Variants in LAPTM4B observed in about 807,000 individuals in gnomAD.
LAPTM4B encodes lysosomal protein transmembrane 4 beta, also known as lysosomal-associated transmembrane protein 4B.
LAPTM4B carries 26 observed loss-of-function variants against 28.5 expected under a neutral mutation model. The ratio of observed to expected loss-of-function variants is 0.91; its 90% CI spans 0.67 to 1.27. The LOEUF is 1.27. Among genes scored for constraint, LAPTM4B ranks in the 50% most tolerant of loss-of-function variants. The pLI, the probability that LAPTM4B is intolerant of heterozygous loss-of-function variation, is 0.00. For synonymous variants in LAPTM4B, 109 were observed against 106.4 expected, an observed-to-expected ratio of 1.02 and a Z score of -0.15; for missense variants, 288 against 285.8, an observed-to-expected ratio of 1.01 and a Z score of -0.06.
intron 6 of LAPTM4B, among the ~76,000 whole-genome samples, chr8:97,846,713 T>A (rs1393247715): frequency 6.6e-6 from 1 of 152,212 alleles, no homozygotes; most frequent in African/African-American, 2.4e-5. Context: ...GCATTCATTT[T>A]TCCCAAAAAT....
chr8:97,783,368 A>G (rs929059588), intron 1 of LAPTM4B, among the ~76,000 whole-genome samples: 1 of 152,084 alleles, frequency 6.6e-6, no homozygotes, highest in Non-Finnish European at 1.5e-5. Context: ...AGAAACTCAC[A>G]GTTTCCTTGT....
At position 97,781,278 on chromosome 8, in the gene LAPTM4B, CT is replaced by C. The variant is rs71271147; in HGVS notation, c.99+5191del. Among the ~76,000 whole-genome samples, 37 of 50,836 alleles carry C rather than the reference CT, an allele frequency of 7.3e-4. 1 individual carries two copies. Among genetic ancestry groups the C allele is most frequent in the South Asian group, 2.9e-3 (3 of 1,044 alleles). The allele number at this position is 50,836 out of a possible 152,430, so 33.4% of individuals were successfully genotyped here. A position where few individuals can be genotyped will look rare whatever the true frequency, so the allele number is the denominator to read the frequency against. On this transcript the variant is annotated intron_variant, in intron 1 of 6. Transcript: ENST00000521545. Reference sequence around the variant, plus strand: ...ACAGGCGTGAGCCACTGTGCCCGGCCTTTTTTTTTTTTTTTTTTTTTGAGGA... The same window carrying C: ...ACAGGCGTGAGCCACTGTGCCCGGCCTTTTTTTTTTTTTTTTTTTTGAGGA...
At chr8:97,819,034 C>G (rs994856855) in intron 4 of LAPTM4B, 106 bp from the exon 5 acceptor site, 2 of 721,616 alleles carry the variant, frequency 2.8e-6, no homozygotes, top group Non-Finnish European at 4.8e-6. Flanking sequence ...TAATAGCTGT[C>G]TGCTTTAATC....
chr8:97,850,265 T>A (rs1817502250), intron 6 of LAPTM4B, among the ~76,000 whole-genome samples: 1 of 151,958 alleles, frequency 6.6e-6, no homozygotes, highest in Admixed American at 6.5e-5. Context: ...AGGTGCCCTC[T>A]GCCTAGGCAG....
intron 2 of LAPTM4B, among the ~76,000 whole-genome samples, chr8:97,812,161 T>G (rs1008400910): frequency 2.6e-5 from 4 of 151,758 alleles, no homozygotes; most frequent in African/African-American, 9.7e-5. Context: ...AGTAGCATAC[T>G]CTACATCTTG....
intron 1 of LAPTM4B, among the ~76,000 whole-genome samples, chr8:97,779,627 A>T (rs1319581045): frequency 6.6e-6 from 1 of 151,884 alleles, no homozygotes; most frequent in Admixed American, 6.6e-5. Flanking sequence ...TCTAATAAAA[A>T]TACAAAAATT....
chr8:97,847,256 T>C (rs1236169319), intron 6 of LAPTM4B, among the ~76,000 whole-genome samples: 1 of 152,204 alleles, frequency 6.6e-6, no homozygotes, highest in Non-Finnish European at 1.5e-5. Context: ...TGGAAGAAAC[T>C]GAACTTAGAT....
intron 1 of LAPTM4B, among the ~76,000 whole-genome samples, chr8:97,804,151 G>A (rs1305710895): frequency 6.6e-6 from 1 of 152,168 alleles, no homozygotes; most frequent in Non-Finnish European, 1.5e-5. Context: ...AGGCAGAGGT[G>A]GGAGGATTGC....
chr8:97,817,597 C>T (rs77444938), intron 4 of LAPTM4B, among the ~76,000 whole-genome samples: 1 of 151,644 alleles, frequency 6.6e-6, no homozygotes, highest in Non-Finnish European at 1.5e-5. Flanking sequence ...TACAGGCACC[C>T]GCTACCAAGC....
At chr8:97,846,390 C>T (rs529935324) in intron 6 of LAPTM4B, among the ~76,000 whole-genome samples, 8 of 149,552 alleles carry the variant, frequency 5.3e-5, no homozygotes, top group African/African-American at 9.9e-5. Context: ...GTGCAATGCG[C>T]GATCTCAGCT....
intron 1 of LAPTM4B, among the ~76,000 whole-genome samples, chr8:97,796,806 A>G (rs1435049294): frequency 6.6e-6 from 1 of 152,080 alleles, no homozygotes; most frequent in Non-Finnish European, 1.5e-5. Context: ...TGGATGTGGT[A>G]GCCGGCACTT....
chr8:97,782,741 T>C (rs549216961), intron 1 of LAPTM4B, among the ~76,000 whole-genome samples: 35 of 150,828 alleles, frequency 2.3e-4, no homozygotes, highest in African/African-American at 7.8e-4. Context: ...CAGCCTTTTT[T>C]TTTTTCTGAG....
intron 1 of LAPTM4B, among the ~76,000 whole-genome samples, chr8:97,796,765 C>CTA (rs527729448): frequency 9.2e-5 from 14 of 151,402 alleles, no homozygotes; most frequent in Non-Finnish European, 1.8e-4. Flanking sequence ...CATGGTAAAA[C>CTA]CCCTTCTCTA....
intron 1 of LAPTM4B, among the ~76,000 whole-genome samples, chr8:97,777,313 AT>A (rs1458970726): frequency 6.6e-6 from 1 of 151,292 alleles, no homozygotes; most frequent in Non-Finnish European, 1.5e-5. Context: ...TGCCTAGCTA[AT>A]TTTTTGTATT....
At chr8:97,846,031 T>G (rs1817428840) in intron 6 of LAPTM4B, among the ~76,000 whole-genome samples, 1 of 150,430 alleles carries the variant, frequency 6.6e-6, no homozygotes. Flanking sequence ...ATTTTTGTAT[T>G]TTTTGTAGAG....
chr8:97,835,145 C>T (rs546985729), intron 6 of LAPTM4B, among the ~76,000 whole-genome samples: 2 of 152,218 alleles, frequency 1.3e-5, no homozygotes, highest in African/African-American at 4.8e-5. Flanking sequence ...GTTGGGAATC[C>T]ACATTTACAT....
chr8:97,839,334 C>T (rs1189913399), intron 6 of LAPTM4B, among the ~76,000 whole-genome samples: 2 of 152,112 alleles, frequency 1.3e-5, no homozygotes, highest in African/African-American at 4.8e-5. Context: ...GCTGGGATTA[C>T]AGGCATGTGT....
At chr8:97,787,226 C>G (rs1350252596) in intron 1 of LAPTM4B, among the ~76,000 whole-genome samples, 1 of 151,790 alleles carries the variant, frequency 6.6e-6, no homozygotes, top group East Asian at 1.9e-4. Context: ...TCACTTACAT[C>G]CCAGTAACCA....
intron 6 of LAPTM4B, among the ~76,000 whole-genome samples, chr8:97,835,916 C>CA (rs1817253924): frequency 6.6e-6 from 1 of 152,168 alleles, no homozygotes; most frequent in Non-Finnish European, 1.5e-5. Flanking sequence ...ACAACCTGAG[C>CA]ACCACTTACA....
Sources: gnomAD v4.1 joint callset for allele counts (sites outside exome capture counted in the v4.1 genomes callset) on GRCh38, gnomAD v4.1.1 for gene constraint, MANE v1.5 for transcripts, NCBI Gene and HGNC (gene_info 2026-07-23, HGNC 2026-07-21) for gene names.